DNAH7: variants seen among roughly 807,000 people sequenced by gnomAD.
DNAH7 encodes axonemal beta dynein heavy chain 7.
A neutral mutation model predicts 444.6 loss-of-function variants in DNAH7; 397 were observed. The observed-to-expected ratio is 0.89, with a 90% CI of 0.82 to 0.97. DNAH7 has a LOEUF of 0.97. DNAH7 is among the 50% of genes least tolerant of loss of function. The pLI is 0.00. For missense variants in DNAH7, 4,902 were observed against 4,800.8 expected (o/e 1.02, Z -0.62); for synonymous variants, 1,636 against 1,624.4 (o/e 1.01, Z -0.17).
At chr2:195,999,608 T>G (rs1693914944) in intron 12 of DNAH7, among the ~76,000 whole-genome samples, 1 of 152,040 alleles carries the variant, frequency 6.6e-6, no homozygotes, top group Non-Finnish European at 1.5e-5. Flanking sequence ...ATACAGAGTA[T>G]TAAAAATATT....
intron 15 of DNAH7, among the ~76,000 whole-genome samples, chr2:195,972,901 C>T (rs1394892642): frequency 6.6e-6 from 1 of 152,176 alleles, no homozygotes; most frequent in East Asian, 1.9e-4. Flanking sequence ...GTCTCTTTTA[C>T]CCAAATAACC....
chr2:196,044,370 T>C (rs1245956361), intron 5 of DNAH7, among the ~76,000 whole-genome samples: 1 of 151,566 alleles, frequency 6.6e-6, no homozygotes, highest in African/African-American at 2.4e-5. Context: ...ATGTTCTCAC[T>C]CATATGTGGG....
intron 5 of DNAH7, among the ~76,000 whole-genome samples, chr2:196,045,634 T>G (rs1337715003): frequency 6.6e-6 from 1 of 152,068 alleles, no homozygotes; most frequent in Non-Finnish European, 1.5e-5. Flanking sequence ...CAGAGCTAAA[T>G]TAAATCATGT....
At chr2:195,966,574 G>A (rs562498907) in intron 17 of DNAH7, among the ~76,000 whole-genome samples, 9 of 152,252 alleles carry the variant, frequency 5.9e-5, no homozygotes, top group African/African-American at 1.7e-4. Flanking sequence ...TTATTGTATT[G>A]AGGTCTATTT....
In DNAH7 at chr2:195,855,887, T is replaced by C. The variant is rs761922831; in HGVS notation, c.8519A>G (p.Glu2840Gly). 7 of 1,613,972 alleles carry C rather than the reference T, an allele frequency of 4.3e-6. No individual in the cohort carries two copies. In the South Asian group the frequency reaches 4.4e-5, roughly 10 times the overall value. The part of the protein sequence containing the change: ...GLRKKQAALK[E>G]VQDKLARLQD... ...AAGCCTGGCCAGCTTGTCCTGAACT[T>C]CCTTAAGGGCTGCCTGCTTCTTTCT... The change falls in exon 45 of 65, where the codon GAA becomes GGA. Residue 2840 changes from glutamate to glycine, a missense_variant. Physicochemically the swap from Glu to Gly is moderately conservative, Grantham distance 98 (BLOSUM62 -2). Coordinates refer to ENST00000312428, the MANE Select transcript of DNAH7 (RefSeq NM_018897.3).
intron 19 of DNAH7, among the ~76,000 whole-genome samples, chr2:195,942,419 G>A (rs1308354429): frequency 1.3e-5 from 2 of 150,340 alleles, no homozygotes; most frequent in East Asian, 3.9e-4. Flanking sequence ...AGGAGGAAGA[G>A]GAAGAAGGAA....
chr2:195,957,758 AATAAT>A (rs779892825), intron 18 of DNAH7, among the ~76,000 whole-genome samples: 1 of 152,136 alleles, frequency 6.6e-6, no homozygotes, highest in Non-Finnish European at 1.5e-5. Context: ...GTTTAAAGAT[AATAAT>A]ATAACATTTA....
chr2:195,761,193 TTAA>T (rs1207939529), intron 61 of DNAH7, among the ~76,000 whole-genome samples: 2 of 151,208 alleles, frequency 1.3e-5, no homozygotes, highest in Non-Finnish European at 2.9e-5. Context: ...AAAAATGCAA[TTAA>T]TATGCTGAAT....
intron 63 of DNAH7, among the ~76,000 whole-genome samples, chr2:195,749,874 C>G (rs977881686): frequency 6.6e-6 from 1 of 151,230 alleles, no homozygotes; most frequent in Non-Finnish European, 1.5e-5. Context: ...GGAGATATAC[C>G]TAATGCTAAA....
intron 5 of DNAH7, among the ~76,000 whole-genome samples, chr2:196,046,963 C>T (rs141267523): frequency 6.6e-6 from 1 of 152,316 alleles, no homozygotes; most frequent in African/African-American, 2.4e-5. Flanking sequence ...GCCCTGCACA[C>T]ACTGCTGACC....
rs372884234 is a variant in DNAH7, at chr2:195,853,524, T to C, written c.8600A>G (p.Asp2867Gly). The C allele has an allele frequency of 6.2e-7, 1 of 1,606,464 alleles. No individual in the cohort carries two copies. The highest frequency in any genetic ancestry group is 8.5e-7 in the Non-Finnish European group (1 of 1,176,260). ...TCGTTCTAGTTTTTTGCTGCAAAGG[T>C]CAACCTCGAAAATAAAAGTGAGCTT... ...QKKADLENQV[D>G]LCSKKLERAE... Residue 2867 changes from aspartate to glycine, a missense_variant, in exon 46 of 65, where the codon GAC (aspartate) becomes GGC (glycine). Physicochemically the swap from Asp to Gly is moderately conservative, Grantham distance 94. Transcript: ENST00000312428.
Position 195,949,436 on chromosome 2 carries a change from A to G in DNAH7, c.3078+7825T>C, listed in dbSNP as rs552848853. On this transcript the variant is annotated intron_variant, in intron 19 of 64. Transcript: ENST00000312428. ...GTAGCTGGGACTACAGTCACACACCACTACACCTGGCTAATTTTCGTATTT... is the reference window on the plus strand; with the variant it reads ...GTAGCTGGGACTACAGTCACACACCGCTACACCTGGCTAATTTTCGTATTT... 5.3e-5 allele frequency among the ~76,000 whole-genome samples: 8 copies of G among 152,036 alleles called. No individual in the cohort carries two copies. In the South Asian group the frequency reaches 1.7e-3, roughly 32 times the overall value.
At chr2:195,909,466 G>T (rs1687228154) in intron 25 of DNAH7, among the ~76,000 whole-genome samples, 1 of 151,942 alleles carries the variant, frequency 6.6e-6, no homozygotes, top group African/African-American at 2.4e-5. Flanking sequence ...GGACTGACAA[G>T]AATCTAACTT....
chr2:195,923,843 G>A (rs201820736), intron 22 of DNAH7, 36 bp from the exon 23 acceptor site: 1 of 1,578,844 alleles, frequency 6.3e-7, no homozygotes, highest in African/African-American at 1.3e-5. Flanking sequence ...ATTTCCCAAT[G>A]TGATCAAAAT....
In DNAH7 at chr2:196,051,195, G is replaced by C. The variant is rs1023039215; in HGVS notation, c.133C>G (p.Leu45Val). The C allele has an allele frequency of 6.2e-7, 1 of 1,613,216 alleles. No homozygotes were observed. The highest frequency in any genetic ancestry group is 8.5e-7 in the Non-Finnish European group (1 of 1,179,278). ...FKAPARALPQLSMVSTKPHWQ... is the reference protein window; with the variant it reads ...FKAPARALPQVSMVSTKPHWQ... ...ATATTTGGATAAGTTACCATAGACA[G>C]CTGTGGTAAAGCTCTTGCTGGTGCC... The change falls in exon 3 of 65, where the codon CTG becomes GTG. Residue 45 changes from leucine to valine, a missense_variant. Physicochemically the swap from Leu to Val is conservative, Grantham distance 32. Coordinates refer to ENST00000312428, the MANE Select transcript of DNAH7 (RefSeq NM_018897.3).
chr2:196,064,270 C>T (rs1698294191), intron 1 of DNAH7, among the ~76,000 whole-genome samples: 2 of 151,192 alleles, frequency 1.3e-5, no homozygotes, highest in South Asian at 2.1e-4. Flanking sequence ...GAGCCAAGAT[C>T]GTGCCACTGC....
intron 15 of DNAH7, among the ~76,000 whole-genome samples, chr2:195,981,505 A>C (rs1692570921): frequency 6.6e-6 from 1 of 152,184 alleles, no homozygotes; most frequent in Non-Finnish European, 1.5e-5. Flanking sequence ...AGAATAGCCA[A>C]AGCTATCCGG....
Position 195,808,881 on chromosome 2 carries a change from GGA to G in DNAH7, c.9889-7_9889-6del. ...TCTCCACTCAGCTTTATTAATCTTT[GGA>G]AAACAAGGCAGCGTGAAGAGTCAGA... On this transcript the variant is annotated splice_region_variant and splice_polypyrimidine_tract_variant and intron_variant, in intron 52 of 64. Coordinates refer to ENST00000312428, the MANE Select transcript of DNAH7 (RefSeq NM_018897.3). The G allele has an allele frequency of 6.2e-7, 1 of 1,611,064 alleles. No homozygotes were observed. The highest frequency in any genetic ancestry group is 8.5e-7 in the Non-Finnish European group (1 of 1,178,620).
chr2:195,951,757 CTTTT>C (rs953780462), intron 19 of DNAH7, among the ~76,000 whole-genome samples: 1 of 149,400 alleles, frequency 6.7e-6, no homozygotes, highest in South Asian at 2.1e-4. Context: ...ATTGCAACCT[CTTTT>C]TTTTTTCTTT....
Sources: allele counts gnomAD v4.1 joint callset (sites outside exome capture counted in the v4.1 genomes callset), GRCh38; gene constraint gnomAD v4.1.1; transcripts MANE v1.5; gene names NCBI Gene and HGNC (gene_info 2026-07-23, HGNC 2026-07-21).